FAAH2: variants seen among roughly 807,000 people sequenced by gnomAD.
FAAH2 encodes the protein fatty-acid amide hydrolase 2.
Under a neutral mutation model 36.9 loss-of-function variants are expected in FAAH2, and 60 were observed. That is an observed-to-expected ratio of 1.63 (90% CI 1.32 to 2.02). The LOEUF (loss-of-function observed/expected upper bound fraction) is 2.02. Among genes scored for constraint, FAAH2 ranks in the 30% most tolerant of loss-of-function variants. FAAH2 has a pLI of 0.00. For synonymous variants in FAAH2, 214 were observed against 143.8 expected (o/e 1.49, Z -3.49); for missense variants, 689 against 397.5 (o/e 1.73, Z -6.23).
the FAAH2 span, among the ~76,000 whole-genome samples, chrX:57,153,482 G>C: frequency 7.2e-5 from 8 of 111,736 alleles, no homozygotes; most frequent in African/African-American, 2.6e-4. Flanking sequence ...GCTTTAAAGT[G>C]GTTTTGTTTT....
At chrX:57,256,198 A>G in the FAAH2 span, among the ~76,000 whole-genome samples, 1 of 111,755 alleles carries the variant, frequency 8.9e-6, no homozygotes. Context: ...TAAAATACCT[A>G]GGAATCCAAC....
intron 1 of FAAH2, among the ~76,000 whole-genome samples, chrX:57,287,469 C>A (rs1164939751): frequency 9.0e-6 from 1 of 111,572 alleles, no homozygotes; most frequent in African/African-American, 3.3e-5. Flanking sequence ...AGTACTTGGT[C>A]TAGGATAGTA....
intron 3 of FAAH2, among the ~76,000 whole-genome samples, chrX:57,328,568 A>T (rs1301865322): frequency 9.0e-6 from 1 of 111,363 alleles, no homozygotes; most frequent in Admixed American, 9.6e-5. Flanking sequence ...CATTTCAGCC[A>T]TCTCAGCCTG....
chrX:57,271,426 C>T, the FAAH2 span, among the ~76,000 whole-genome samples: 5 of 112,175 alleles, frequency 4.5e-5, no homozygotes, highest in Non-Finnish European at 9.4e-5. Flanking sequence ...AAGGGTCAGA[C>T]AGCCTCCACA....
chrX:57,216,611 TATA>T, the FAAH2 span, among the ~76,000 whole-genome samples: 1 of 4,291 alleles, frequency 2.3e-4, no homozygotes, highest in Non-Finnish European at 1.5e-3. Context: ...TATATATACG[TATA>T]TATATATACG....
intron 3 of FAAH2, among the ~76,000 whole-genome samples, chrX:57,330,979 G>A (rs984553587): frequency 5.4e-5 from 6 of 110,649 alleles, no homozygotes; most frequent in African/African-American, 1.3e-4. Context: ...CCTGGGAGAA[G>A]CCAGCAGAAT....
intron 10 of FAAH2, among the ~76,000 whole-genome samples, chrX:57,463,600 A>G (rs891019506): frequency 1.8e-5 from 2 of 111,491 alleles, no homozygotes; most frequent in Admixed American, 1.9e-4. Context: ...AAAACTGGCT[A>G]AACAGACACT....
At chrX:57,450,480 A>G (rs778529417) in intron 10 of FAAH2, among the ~76,000 whole-genome samples, 5 of 111,869 alleles carry the variant, frequency 4.5e-5, no homozygotes, top group Admixed American at 3.8e-4. Flanking sequence ...CACTACATGT[A>G]TGGGTTAATA....
At chrX:57,160,467 T>C in the FAAH2 span, among the ~76,000 whole-genome samples, 2 of 111,804 alleles carry the variant, frequency 1.8e-5, no homozygotes, top group Non-Finnish European at 3.8e-5. Flanking sequence ...ATCTGTCTGT[T>C]CCTGGACATT....
At chrX:57,371,545 G>T (rs961046181) in intron 5 of FAAH2, among the ~76,000 whole-genome samples, 2 of 108,020 alleles carry the variant, frequency 1.9e-5, no homozygotes, top group African/African-American at 3.3e-5. Context: ...CTGTAGACGT[G>T]CAGGTGCATG....
chrX:57,405,367 T>C (rs1229839735), intron 7 of FAAH2, among the ~76,000 whole-genome samples: 4 of 110,978 alleles, frequency 3.6e-5, no homozygotes, highest in Non-Finnish European at 5.7e-5. Context: ...AAGCTGTGGG[T>C]CATGGAAGAG....
At chrX:57,205,831 G>T in the FAAH2 span, among the ~76,000 whole-genome samples, 4 of 112,163 alleles carry the variant, frequency 3.6e-5, no homozygotes, top group Non-Finnish European at 7.5e-5. Context: ...TGCCAAATAA[G>T]AGTATTTATA....
chrX:57,407,603 C>T (rs1185828481), intron 7 of FAAH2, among the ~76,000 whole-genome samples: 1 of 111,613 alleles, frequency 9.0e-6, no homozygotes, highest in Non-Finnish European at 1.9e-5. Context: ...GGCACTCTTC[C>T]CTCAGCTTTC....
chrX:57,316,193 G>A (rs192065911), intron 3 of FAAH2, among the ~76,000 whole-genome samples: 75 of 111,212 alleles, frequency 6.7e-4, no homozygotes, highest in Non-Finnish European at 1.0e-3. Flanking sequence ...AGATCTCTAC[G>A]AGAACTGCAG....
At chrX:57,270,306 C>T in the FAAH2 span, among the ~76,000 whole-genome samples, 1 of 111,608 alleles carries the variant, frequency 9.0e-6, no homozygotes, top group African/African-American at 3.3e-5. Flanking sequence ...GAGCTGGTAC[C>T]ATTCCTATTG....
chrX:57,375,656 G>C (rs1254717805), intron 5 of FAAH2, among the ~76,000 whole-genome samples: 1 of 110,553 alleles, frequency 9.0e-6, no homozygotes, highest in Non-Finnish European at 1.9e-5. Context: ...ATAGACAATG[G>C]TTTGGAAGAA....
At chrX:57,442,208 G>A (rs774691459) in intron 8 of FAAH2, among the ~76,000 whole-genome samples, 1 of 110,884 alleles carries the variant, frequency 9.0e-6, no homozygotes, top group East Asian at 2.8e-4. Flanking sequence ...TGAGAGTGGG[G>A]TGTTAAAGTC....
At chrX:57,151,453 T>C in the FAAH2 span, among the ~76,000 whole-genome samples, 2 of 111,585 alleles carry the variant, frequency 1.8e-5, no homozygotes, top group African/African-American at 6.5e-5. Flanking sequence ...GGAGGCTTTG[T>C]TCATTTCTTT....
chrX:57,150,536 A>G, the FAAH2 span, among the ~76,000 whole-genome samples: 12 of 111,264 alleles, frequency 1.1e-4, no homozygotes, highest in African/African-American at 3.6e-4. Context: ...GTCTCTTTTG[A>G]TCTTTGTTGG....
Sources: allele counts gnomAD v4.1 joint callset (sites outside exome capture counted in the v4.1 genomes callset), GRCh38; gene constraint gnomAD v4.1.1; transcripts MANE v1.5; gene names NCBI Gene and HGNC (gene_info 2026-07-23, HGNC 2026-07-21).